Variants in CACNA1E observed in about 807,000 individuals in gnomAD.
The protein encoded by CACNA1E is calcium voltage-gated channel subunit alpha1 E.
In CACNA1E, 40 loss-of-function variants were observed where a neutral mutation model predicts 259.2. That is an observed-to-expected ratio of 0.15 (90% confidence interval 0.12 to 0.20). CACNA1E has a LOEUF of 0.20. Among genes scored for constraint, CACNA1E ranks in the 10% least tolerant of loss-of-function variants. CACNA1E has a pLI of 1.00. For missense variants in CACNA1E, 1,874 were observed against 3,040.1 expected, an observed-to-expected ratio of 0.62 and a Z score of 9.02; for synonymous variants, 1,104 against 1,138.5, an observed-to-expected ratio of 0.97 and a Z score of 0.61.
At chr1:181,585,498 ATTC>A (rs1169507110) in intron 6 of CACNA1E, among the ~76,000 whole-genome samples, 1 of 152,236 alleles carries the variant, frequency 6.6e-6, no homozygotes, top group Non-Finnish European at 1.5e-5. Context: ...TGGAACTTAT[ATTC>A]TAGTGGGAAA....
intron 1 of CACNA1E, among the ~76,000 whole-genome samples, chr1:181,486,249 T>A (rs1663807628): frequency 6.6e-6 from 1 of 152,232 alleles, no homozygotes; most frequent in African/African-American, 2.4e-5. Context: ...CCGAGCCCTG[T>A]CCCAATGGTC....
At chr1:181,565,352 G>A (rs550508913) in intron 3 of CACNA1E, among the ~76,000 whole-genome samples, 4 of 152,178 alleles carry the variant, frequency 2.6e-5, no homozygotes, top group African/African-American at 9.7e-5. Context: ...TAGGGCTCCA[G>A]GTCCACCAGA....
chr1:181,676,721 G>A (rs1462658741), intron 7 of CACNA1E, among the ~76,000 whole-genome samples: 1 of 152,160 alleles, frequency 6.6e-6, no homozygotes, highest in Non-Finnish European at 1.5e-5. Flanking sequence ...TATCCCCTAT[G>A]GAGGACAGCA....
At chr1:181,701,596 AC>A (rs1652266331) in intron 7 of CACNA1E, among the ~76,000 whole-genome samples, 1 of 152,204 alleles carries the variant, frequency 6.6e-6, no homozygotes, top group African/African-American at 2.4e-5. Flanking sequence ...GGAGAATTAA[AC>A]AGAGTAGGTC....
chr1:181,767,291 A>G (rs930526267), intron 35 of CACNA1E, among the ~76,000 whole-genome samples: 2 of 152,184 alleles, frequency 1.3e-5, no homozygotes, highest in Non-Finnish European at 2.9e-5. Flanking sequence ...AAGAAGCCAA[A>G]GGATCTTTCA....
chr1:181,411,190 C>T (rs760508142), intron 1 of CACNA1E, among the ~76,000 whole-genome samples: 2 of 152,162 alleles, frequency 1.3e-5, no homozygotes, highest in Non-Finnish European at 2.9e-5. Flanking sequence ...CACAAGGACT[C>T]CCCCCAGTAC....
chr1:181,534,308 A>G lies in CACNA1E; in HGVS notation c.512+22798A>G, dbSNP rs61814465. Among the ~76,000 whole-genome samples the G allele has an allele frequency of 5.3e-4, 81 of 152,276 alleles. No homozygotes were observed. The South Asian group carries it at 6.8e-3, about 13-fold the overall frequency. On this transcript the variant is annotated intron_variant, in intron 3 of 47. Coordinates refer to ENST00000367573, the MANE Select transcript of CACNA1E (RefSeq NM_001205293.3). ...CTGTAGAAGATTAAACATTGACATTATTGTGGGTGCTATTGAAAACTGAGT... is the reference window on the plus strand; with the variant it reads ...CTGTAGAAGATTAAACATTGACATTGTTGTGGGTGCTATTGAAAACTGAGT...
At chr1:181,524,147 C>T (rs991256189) in intron 3 of CACNA1E, among the ~76,000 whole-genome samples, 3 of 152,222 alleles carry the variant, frequency 2.0e-5, no homozygotes, top group African/African-American at 7.2e-5. Context: ...TAACTCTTTT[C>T]CTTTTCATAA....
At chr1:181,797,573 T>C (rs888020915) in intron 47 of CACNA1E, among the ~76,000 whole-genome samples, 1 of 152,076 alleles carries the variant, frequency 6.6e-6, no homozygotes, top group African/African-American at 2.4e-5. Flanking sequence ...ACCCATGAGG[T>C]TTACTAGCAC....
chr1:181,392,950 G>C (rs1656400332), intron 1 of CACNA1E, among the ~76,000 whole-genome samples: 1 of 152,236 alleles, frequency 6.6e-6, no homozygotes, highest in South Asian at 2.1e-4. Context: ...AAAATGTAGG[G>C]CTGGTTCTTC....
At chr1:181,685,129 A>T (rs994617704) in intron 7 of CACNA1E, among the ~76,000 whole-genome samples, 18 of 149,722 alleles carry the variant, frequency 1.2e-4, no homozygotes, top group African/African-American at 4.2e-4. Context: ...GGAGAATTTG[A>T]TGAACAAATG....
intron 2 of CACNA1E, among the ~76,000 whole-genome samples, chr1:181,452,031 G>A (rs749704726): frequency 3.9e-5 from 6 of 152,238 alleles, no homozygotes; most frequent in Non-Finnish European, 7.3e-5. Flanking sequence ...TAAGTAGCAG[G>A]TGTGTAGCAC....
At chr1:181,771,742 C>A in intron 36 of CACNA1E, 1 of 467,420 alleles carries the variant, frequency 2.1e-6, no homozygotes, top group South Asian at 3.8e-5. Flanking sequence ...GGGGGAATGT[C>A]AGGACAGTGT....
chr1:181,704,688 A>G (rs1354473556), intron 7 of CACNA1E, among the ~76,000 whole-genome samples: 1 of 152,114 alleles, frequency 6.6e-6, no homozygotes, highest in Non-Finnish European at 1.5e-5. Context: ...GTGTGGATAA[A>G]CAGATCTTTG....
intron 1 of CACNA1E, among the ~76,000 whole-genome samples, chr1:181,376,525 T>C (rs578015871): frequency 4.6e-5 from 7 of 152,332 alleles, no homozygotes; most frequent in Non-Finnish European, 1.5e-5. Context: ...GACCTCATGC[T>C]GGGAGGCAGC....
intron 6 of CACNA1E, among the ~76,000 whole-genome samples, chr1:181,601,368 G>T (rs895501809): frequency 7.9e-5 from 12 of 152,222 alleles, no homozygotes; most frequent in Admixed American, 7.2e-4. Context: ...ACTGCTAAGT[G>T]CTGGGATGCT....
At chr1:181,641,811 T>C (rs1323477768) in intron 6 of CACNA1E, among the ~76,000 whole-genome samples, 1 of 143,212 alleles carries the variant, frequency 7.0e-6, no homozygotes, top group Non-Finnish European at 1.5e-5. Flanking sequence ...TCTCCTGGGT[T>C]CAAGCGATTC....
At chr1:181,638,461 T>C (rs747980740) in intron 6 of CACNA1E, among the ~76,000 whole-genome samples, 19 of 152,164 alleles carry the variant, frequency 1.2e-4, no homozygotes, top group Non-Finnish European at 2.2e-4. Context: ...ACCCAGGCAA[T>C]ACAATATAGC....
chr1:181,376,718 C>T (rs1287224384), intron 1 of CACNA1E, among the ~76,000 whole-genome samples: 2 of 152,146 alleles, frequency 1.3e-5, no homozygotes, highest in Non-Finnish European at 2.9e-5. Context: ...CTGCTGTCTC[C>T]TAGTTTTCTA....
Sources: gnomAD v4.1 joint callset for allele counts (sites outside exome capture counted in the v4.1 genomes callset) on GRCh38, gnomAD v4.1.1 for gene constraint, MANE v1.5 for transcripts, NCBI Gene and HGNC (gene_info 2026-07-23, HGNC 2026-07-21) for gene names.